The following AUTS2 variants were observed in gnomAD, a reference collection of about 807,000 sequenced individuals.
AUTS2 encodes activator of transcription and developmental regulator AUTS2, also known as autism susceptibility gene 2 protein.
In AUTS2, 17 loss-of-function variants were observed where a neutral mutation model predicts 112.4. The observed-to-expected ratio is 0.15, with a 90% CI of 0.10 to 0.23. AUTS2 has a LOEUF of 0.23. AUTS2 is among the 10% of genes least tolerant of loss of function. The probability of loss-of-function intolerance (pLI) is 1.00; values close to 1 mark genes in which losing one functional copy is unlikely to be tolerated. For synonymous variants in AUTS2, 751 were observed against 702.7 expected, an observed-to-expected ratio of 1.07 and a Z score of -1.09; for missense variants, 1,510 against 1,701.6, an observed-to-expected ratio of 0.89 and a Z score of 1.98.
intron 2 of AUTS2, among the ~76,000 whole-genome samples, chr7:70,051,664 A>T (rs942457660): frequency 1.3e-5 from 2 of 152,196 alleles, no homozygotes; most frequent in African/African-American, 4.8e-5. Flanking sequence ...GGTTGCAGTG[A>T]GCTGAGATCA....
chr7:69,682,364 A>T (rs192789636), intron 1 of AUTS2, among the ~76,000 whole-genome samples: 1 of 152,310 alleles, frequency 6.6e-6, no homozygotes, highest in Admixed American at 6.5e-5. Context: ...CCTACACTTA[A>T]TGACTGTGGG....
chr7:70,726,231 T>G (rs1021807705), intron 6 of AUTS2, among the ~76,000 whole-genome samples: 16 of 152,208 alleles, frequency 1.1e-4, no homozygotes, highest in Non-Finnish European at 2.4e-4. Context: ...AGTTTTTATA[T>G]AGAGACAATG....
intron 5 of AUTS2, among the ~76,000 whole-genome samples, chr7:70,451,806 C>A (rs1183856907): frequency 2.0e-5 from 3 of 152,090 alleles, no homozygotes; most frequent in Admixed American, 6.6e-5. Context: ...CATCTAACTT[C>A]CAGTGGACCA....
intron 5 of AUTS2, among the ~76,000 whole-genome samples, chr7:70,524,584 C>T (rs1186752073): frequency 3.9e-5 from 6 of 152,122 alleles, no homozygotes; most frequent in Non-Finnish European, 7.3e-5. Flanking sequence ...CAGGACTGTT[C>T]GAACAAAAGG....
chr7:70,047,685 A>T (rs745353176), intron 2 of AUTS2, among the ~76,000 whole-genome samples: 1 of 152,200 alleles, frequency 6.6e-6, no homozygotes, highest in South Asian at 2.1e-4. Context: ...TGGTATAATA[A>T]CAAGGAGAGA....
chr7:70,067,512 ATTCT>A (rs1269742906), intron 2 of AUTS2, among the ~76,000 whole-genome samples: 7 of 152,180 alleles, frequency 4.6e-5, no homozygotes, highest in Admixed American at 1.3e-4. Flanking sequence ...TGATCCATTA[ATTCT>A]TTGTCTAGGA....
At chr7:69,933,350 T>C (rs1482811919) in intron 2 of AUTS2, among the ~76,000 whole-genome samples, 1 of 152,242 alleles carries the variant, frequency 6.6e-6, no homozygotes, top group East Asian at 1.9e-4. Context: ...ATAATTAGAA[T>C]GTTTATGTAA....
chr7:70,540,948 G>A (rs1800529309), intron 5 of AUTS2, among the ~76,000 whole-genome samples: 1 of 152,156 alleles, frequency 6.6e-6, no homozygotes. Flanking sequence ...CTGGAAAACA[G>A]TTCTGAGCAG....
intron 5 of AUTS2, among the ~76,000 whole-genome samples, chr7:70,554,545 A>G (rs761424349): frequency 2.6e-5 from 4 of 151,964 alleles, no homozygotes; most frequent in Non-Finnish European, 5.9e-5. Flanking sequence ...CCTGCCATCC[A>G]GGGGAAAACA....
At chr7:70,278,114 A>G (rs139035535) in intron 4 of AUTS2, among the ~76,000 whole-genome samples, 488 of 152,266 alleles carry the variant, frequency 3.2e-3, no homozygotes, top group Non-Finnish European at 5.4e-3. Context: ...ACCTGTGCAC[A>G]TTACAGACGT....
intron 4 of AUTS2, among the ~76,000 whole-genome samples, chr7:70,392,889 C>T (rs1337005411): frequency 6.6e-6 from 1 of 152,188 alleles, no homozygotes; most frequent in East Asian, 1.9e-4. Flanking sequence ...GAAAGGGACC[C>T]TATTCCTAGA....
At chr7:70,525,066 G>A (rs1304852279) in intron 5 of AUTS2, among the ~76,000 whole-genome samples, 1 of 152,150 alleles carries the variant, frequency 6.6e-6, no homozygotes, top group African/African-American at 2.4e-5. Context: ...AGGGCCTTGA[G>A]GTTATTTTTT....
intron 4 of AUTS2, among the ~76,000 whole-genome samples, chr7:70,400,968 C>T (rs1794302323): frequency 6.6e-6 from 1 of 152,078 alleles, no homozygotes; most frequent in South Asian, 2.1e-4. Flanking sequence ...GCTGAGAGAG[C>T]CTGGAGGTTC....
At chr7:69,757,739 A>G (rs1451801153) in intron 1 of AUTS2, among the ~76,000 whole-genome samples, 2 of 152,194 alleles carry the variant, frequency 1.3e-5, no homozygotes, top group African/African-American at 4.8e-5. Flanking sequence ...CCCCTGCTTC[A>G]GTATGAGTTT....
In AUTS2 at chr7:70,228,576, T is replaced by A. The variant is rs763374741; in HGVS notation, c.660+94005T>A. ...AGTTCATTTTTGCTCTATGAAAATATTTTTTTCTGAATGGGTTAGGGTTTA... is the reference window on the plus strand; with the variant it reads ...AGTTCATTTTTGCTCTATGAAAATAATTTTTTCTGAATGGGTTAGGGTTTA... On this transcript the variant is annotated intron_variant, in intron 4 of 18. Transcript: ENST00000342771. 4.6e-5 allele frequency among the ~76,000 whole-genome samples: 7 copies of A among 152,018 alleles called. No individual in the cohort carries two copies. In the South Asian group the frequency reaches 1.5e-3, roughly 32 times the overall value.
intron 4 of AUTS2, among the ~76,000 whole-genome samples, chr7:70,256,165 T>G (rs940198926): frequency 2.6e-5 from 4 of 152,238 alleles, no homozygotes; most frequent in Admixed American, 1.3e-4. Context: ...AGATGAATCC[T>G]GATTACCTTC....
intron 4 of AUTS2, among the ~76,000 whole-genome samples, chr7:70,352,783 G>A (rs550483220): frequency 6.6e-6 from 1 of 152,204 alleles, no homozygotes; most frequent in Non-Finnish European, 1.5e-5. Flanking sequence ...AAGAGGCTGA[G>A]GTAGAGAATA....
chr7:69,929,486 T>C (rs568714341), intron 2 of AUTS2, among the ~76,000 whole-genome samples: 7 of 152,186 alleles, frequency 4.6e-5, no homozygotes, highest in African/African-American at 1.7e-4. Context: ...GGGACTCCAA[T>C]TAACCAGATA....
intron 2 of AUTS2, among the ~76,000 whole-genome samples, chr7:69,995,370 C>G (rs1477177104): frequency 6.6e-6 from 1 of 152,136 alleles, no homozygotes; most frequent in Non-Finnish European, 1.5e-5. Context: ...CTGTTGAATG[C>G]TGACTTAATG....
Sources: allele counts gnomAD v4.1 joint callset (sites outside exome capture counted in the v4.1 genomes callset), GRCh38; gene constraint gnomAD v4.1.1; transcripts MANE v1.5; gene names NCBI Gene and HGNC (gene_info 2026-07-23, HGNC 2026-07-21).